Variants in MGAM2 observed in about 807,000 individuals in gnomAD.
MGAM2 encodes the protein maltase-glucoamylase 2 (putative).
MGAM2 carries 98 observed loss-of-function variants against 96.1 expected under a neutral mutation model. The observed-to-expected ratio is 1.02, with a 90% CI of 0.87 to 1.21. The LOEUF is 1.21. MGAM2 is among the 50% of genes most tolerant of loss of function. The pLI is 0.00. For synonymous variants in MGAM2, 749 were observed against 414.8 expected (o/e 1.81, Z -9.79); for missense variants, 2,055 against 1,182.4 (o/e 1.74, Z -10.82).
intron 21 of MGAM2, among the ~76,000 whole-genome samples, chr7:142,160,811 A>C (rs377542851): frequency 6.6e-6 from 1 of 152,084 alleles, no homozygotes; most frequent in African/African-American, 2.4e-5. Flanking sequence ...TATAAATGAT[A>C]ATGTGTGCGG....
At chr7:142,163,911 A>C (rs1795959603) in intron 23 of MGAM2, among the ~76,000 whole-genome samples, 1 of 152,122 alleles carries the variant, frequency 6.6e-6, no homozygotes, top group Non-Finnish European at 1.5e-5. Flanking sequence ...TGATGAATCT[A>C]ATTTATCATT....
chr7:142,187,041 CT>C (rs1435114322), intron 35 of MGAM2, among the ~76,000 whole-genome samples: 1 of 151,738 alleles, frequency 6.6e-6, no homozygotes, highest in African/African-American at 2.4e-5. Context: ...TTTCATTTGC[CT>C]TTAGTATGTC....
At chr7:142,213,967 G>T (rs1360675727) in intron 46 of MGAM2, among the ~76,000 whole-genome samples, 2 of 152,112 alleles carry the variant, frequency 1.3e-5, no homozygotes, top group Admixed American at 1.3e-4. Context: ...CCATGACCAA[G>T]TTGGCTTCAT....
chr7:142,186,573 G>C (rs1796706412), intron 35 of MGAM2, among the ~76,000 whole-genome samples: 1 of 152,234 alleles, frequency 6.6e-6, no homozygotes, highest in African/African-American at 2.4e-5. Context: ...GGCCTGTTCA[G>C]ATGTTTGCTG....
chr7:142,172,546 A>T, intron 29 of MGAM2, 106 bp from the exon 30 acceptor site: 1 of 579,278 alleles, frequency 1.7e-6, no homozygotes, highest in South Asian at 2.2e-5. Flanking sequence ...TAGAGAAGGC[A>T]TGTATCAAAG....
In MGAM2 at chr7:142,197,413, T is replaced by G. The variant is rs1176977339; in HGVS notation, c.4646T>G (p.Val1549Gly). ...TTATCCTTACAGAGACAAGATCCTG[T>G]GGCCTGGAATTCAACCTTTGAGATG... ...NNIGTRRQDP[V>G]AWNSTFEMLS... is the part of the protein sequence containing the mutation. The change falls in exon 41 of 48, where the codon GTG becomes GGG. Residue 1549 changes from valine (V) to glycine (G), a missense_variant. Val to Gly is a moderately radical substitution (Grantham distance 109, BLOSUM62 -3). Coordinates refer to ENST00000477922, the MANE Select transcript of MGAM2 (RefSeq NM_001293626.2). The G allele has an allele frequency of 1.1e-5, 8 of 702,892 alleles. No individual in the cohort carries two copies. Among genetic ancestry groups the G allele is most frequent in the Non-Finnish European group, 1.8e-5 (7 of 385,002 alleles). 43.5% of individuals were successfully genotyped at this position (702,892 alleles called of 1,614,324 possible). A position where few individuals can be genotyped will look rare whatever the true frequency, so the allele number is the denominator to read the frequency against.
chr7:142,139,233 C>T (rs1254245165), intron 10 of MGAM2, among the ~76,000 whole-genome samples: 1 of 152,120 alleles, frequency 6.6e-6, no homozygotes, highest in Non-Finnish European at 1.5e-5. Flanking sequence ...CAATGTCCAC[C>T]AGTAAGTCAA....
At chr7:142,209,369 G>T (rs1428059772) in intron 46 of MGAM2, among the ~76,000 whole-genome samples, 1 of 152,208 alleles carries the variant, frequency 6.6e-6, no homozygotes, top group Admixed American at 6.5e-5. Context: ...ACTGGAGTGG[G>T]AGGGCATTGC....
chr7:142,135,114 G>A (rs550865006), intron 7 of MGAM2, among the ~76,000 whole-genome samples: 7 of 152,160 alleles, frequency 4.6e-5, no homozygotes, highest in Non-Finnish European at 7.4e-5. Context: ...ACTGCAAGTT[G>A]AAGTATGGTG....
At position 142,208,573 on chromosome 7, in the gene MGAM2, A is replaced by G. The variant is rs1366464355; in HGVS notation, c.5138A>G (p.Asp1713Gly). ...ATTCTTTTCTTTTCCTTGTTTGCAG[A>G]TACCTATGAAAATGGAAATTATTTT... ...QVFWDDGQSI[D>G]TYENGNYFLA... The change falls in exon 46 of 48, where the codon GAT becomes GGT. Residue 1713 changes from aspartate to glycine, a missense_variant and splice_region_variant. Transcript: ENST00000477922. The G allele has an allele frequency of 1.4e-6, 1 of 702,790 alleles. No individual in the cohort carries two copies. The highest frequency in any genetic ancestry group is 2.6e-6 in the Non-Finnish European group (1 of 384,910). 43.5% of individuals were successfully genotyped at this position (702,790 alleles called of 1,614,324 possible). A position where few individuals can be genotyped will look rare whatever the true frequency, so the allele number is the denominator to read the frequency against.
intron 36 of MGAM2, among the ~76,000 whole-genome samples, 192 bp from the exon 37 acceptor site, chr7:142,189,175 A>G (rs1279535971): frequency 1.3e-5 from 2 of 152,218 alleles, no homozygotes; most frequent in African/African-American, 2.4e-5. Context: ...TCCCAGCTCC[A>G]TATTTTATCC....
chr7:142,176,095 C>CAA (rs61345348), intron 32 of MGAM2, among the ~76,000 whole-genome samples: 5 of 131,278 alleles, frequency 3.8e-5, no homozygotes, highest in African/African-American at 8.3e-5. Context: ...CTGAAGATAG[C>CAA]AAAAAAAAAA....
intron 15 of MGAM2, among the ~76,000 whole-genome samples, chr7:142,153,542 G>A (rs971599912): frequency 2.0e-5 from 3 of 152,302 alleles, no homozygotes; most frequent in East Asian, 3.9e-4. Context: ...TTTCAGAGGT[G>A]TACCAGCTGG....
At chr7:142,129,265 T>A (rs1019187932) in intron 3 of MGAM2, among the ~76,000 whole-genome samples, 1 of 152,230 alleles carries the variant, frequency 6.6e-6, no homozygotes, top group Non-Finnish European at 1.5e-5. Flanking sequence ...AGGAAGTAAC[T>A]AACTTGCTTT....
At chr7:142,193,727 C>T (rs959039659) in intron 37 of MGAM2, among the ~76,000 whole-genome samples, 1 of 152,212 alleles carries the variant, frequency 6.6e-6, no homozygotes, top group Non-Finnish European at 1.5e-5. Context: ...TTGCAGGTTT[C>T]CCTTCCCAGT....
Position 142,221,582 on chromosome 7 carries a change from G to A in MGAM2, c.7071G>A (p.Thr2357=), listed in dbSNP as rs144518782. ...AAAGTACCATGGTAATAGATGCTAC[G>A]GTCACTACTACCAGCACCAAAGATA... is the stretch of plus-strand genomic sequence containing the variant. ...DTKSTMVIDA[T]VTTTSTKDNT... The change falls in exon 48 of 48, where the codon ACG becomes ACA. Residue 2357 remains threonine (T), a synonymous_variant. Coordinates refer to ENST00000477922, the MANE Select transcript of MGAM2 (RefSeq NM_001293626.2). 2.3e-4 allele frequency: 120 copies of A among 523,414 alleles called. No individual in the cohort carries two copies. Among genetic ancestry groups the A allele is most frequent in the African/African-American group, 1.6e-3 (82 of 52,528 alleles). The allele number at this position is 523,414 out of a possible 1,614,324, so 32.4% of individuals were successfully genotyped here. A position where few individuals can be genotyped will look rare whatever the true frequency, so the allele number is the denominator to read the frequency against.
At chr7:142,163,688 T>G (rs1795955372) in intron 23 of MGAM2, among the ~76,000 whole-genome samples, 1 of 152,234 alleles carries the variant, frequency 6.6e-6, no homozygotes, top group Non-Finnish European at 1.5e-5. Context: ...CCAGAATGGC[T>G]GTACCATTTT....
chr7:142,113,353 G>A (rs1817239839), intron 1 of MGAM2, among the ~76,000 whole-genome samples: 1 of 152,068 alleles, frequency 6.6e-6, no homozygotes. Context: ...AAGCTAAAGG[G>A]TTTTTGGTTT....
At position 142,196,292 on chromosome 7, in the gene MGAM2, G is replaced by T; in HGVS notation, c.4480+5G>T. The T allele has an allele frequency of 1.4e-6, 1 of 740,728 alleles. No homozygotes were observed. The allele number at this position is 740,728 out of a possible 1,614,324, so 45.9% of individuals were successfully genotyped here. On this transcript the variant is annotated splice_donor_5th_base_variant and intron_variant, in intron 38 of 47. Coordinates refer to ENST00000477922, the MANE Select transcript of MGAM2 (RefSeq NM_001293626.2). ...AGCTGGGGAAATCTATCATTGGTGT[G>T]TGGGCTCATTCCCAGGGGCCTGTGC...
Sources: allele counts gnomAD v4.1 joint callset (sites outside exome capture counted in the v4.1 genomes callset), GRCh38; gene constraint gnomAD v4.1.1; transcripts MANE v1.5; gene names NCBI Gene and HGNC (gene_info 2026-07-23, HGNC 2026-07-21).